The following SFXN1 variants were observed in gnomAD, a reference collection of about 807,000 sequenced individuals.
The protein encoded by SFXN1 is sideroflexin 1.
Under a neutral mutation model 39.5 loss-of-function variants are expected in SFXN1, and 32 were observed. The observed-to-expected ratio is 0.81, with a 90% CI of 0.61 to 1.09. The LOEUF (loss-of-function observed/expected upper bound fraction) is 1.09. SFXN1 is among the 50% of genes least tolerant of loss of function. The pLI is 0.00. For synonymous variants in SFXN1, 136 were observed against 146.5 expected (o/e 0.93, Z 0.52); for missense variants, 402 against 407.1 (o/e 0.99, Z 0.11).
At chr5:175,509,364 A>G (rs115242188) in intron 3 of SFXN1, 162 bp downstream of exon 3, 6,886 of 586,764 alleles carry the variant, frequency 0.012, 355 homozygotes, top group African/African-American at 0.12. Context: ...TGTACTTATG[A>G]ATCAAAACAT....
At chr5:175,502,048 A>G (rs749139169) in intron 2 of SFXN1, among the ~76,000 whole-genome samples, 5 of 152,210 alleles carry the variant, frequency 3.3e-5, no homozygotes, top group Non-Finnish European at 7.3e-5. Flanking sequence ...AGATGGACTC[A>G]TAGAGGGTTG....
chr5:175,507,722 A>G (rs1331666049), intron 2 of SFXN1, among the ~76,000 whole-genome samples: 1 of 152,218 alleles, frequency 6.6e-6, no homozygotes, highest in East Asian at 1.9e-4. Context: ...CCTGTAATCC[A>G]GCCCTTTGGA....
At chr5:175,512,078 A>G in intron 5 of SFXN1, 33 bp from the exon 6 acceptor site, 8 of 1,583,432 alleles carry the variant, frequency 5.1e-6, no homozygotes, top group Non-Finnish European at 6.9e-6. Context: ...CAGGAAAAAT[A>G]AGATAAAGCT....
intron 8 of SFXN1, among the ~76,000 whole-genome samples, chr5:175,518,878 A>G (rs1414739691): frequency 6.6e-6 from 1 of 152,354 alleles, no homozygotes; most frequent in Non-Finnish European, 1.5e-5. Context: ...AGTCCATAAA[A>G]GAAAAATTGA....
chr5:175,527,823 T>C lies in SFXN1; in HGVS notation c.*1089T>C, dbSNP rs1355443523. On this transcript the variant is annotated 3_prime_UTR_variant, in exon 11 of 11. Transcript: ENST00000321442. ...AATATATTTAATATGACAGATTATG[T>C]TTCAACTCTGTAGATGTTTAACGTC... The C allele has an allele frequency of 6.6e-6, 1 of 152,228 alleles. No homozygotes were observed. The highest frequency in any genetic ancestry group is 2.4e-5 in the African/African-American group (1 of 41,462). 9.4% of individuals were successfully genotyped at this position (152,228 alleles called of 1,614,324 possible).
intron 2 of SFXN1, among the ~76,000 whole-genome samples, chr5:175,497,307 T>C (rs1340673348): frequency 6.6e-6 from 1 of 152,200 alleles, no homozygotes; most frequent in Non-Finnish European, 1.5e-5. Context: ...TCAGGGGAGA[T>C]TAGTTCAAGG....
intron 7 of SFXN1, among the ~76,000 whole-genome samples, chr5:175,514,278 A>G (rs1016436960): frequency 6.6e-6 from 1 of 152,174 alleles, no homozygotes; most frequent in South Asian, 2.1e-4. Flanking sequence ...GAATGGTTAG[A>G]GCAGCTACTG....
At chr5:175,498,984 A>G (rs1165487404) in intron 2 of SFXN1, among the ~76,000 whole-genome samples, 2 of 152,142 alleles carry the variant, frequency 1.3e-5, no homozygotes, top group African/African-American at 4.8e-5. Context: ...GCCAGGCGCA[A>G]TGGCTCACGC....
chr5:175,485,601 A>G (rs527736870), intron 1 of SFXN1, among the ~76,000 whole-genome samples: 1 of 152,346 alleles, frequency 6.6e-6, no homozygotes, highest in Non-Finnish European at 1.5e-5. Context: ...TCCCTGCACC[A>G]TGTGAGGTAA....
intron 10 of SFXN1, among the ~76,000 whole-genome samples, chr5:175,525,090 CA>C (rs1761018552): frequency 6.6e-6 from 1 of 152,172 alleles, no homozygotes; most frequent in Non-Finnish European, 1.5e-5. Flanking sequence ...CAATTTCAAA[CA>C]AACTCTCCTG....
chr5:175,506,920 T>C (rs1302402576), intron 2 of SFXN1, among the ~76,000 whole-genome samples: 1 of 152,164 alleles, frequency 6.6e-6, no homozygotes, highest in Non-Finnish European at 1.5e-5. Flanking sequence ...CACCTTGGCC[T>C]CCCAAAGTGC....
intron 2 of SFXN1, chr5:175,492,484 A>C: frequency 2.4e-6 from 1 of 412,544 alleles, no homozygotes; most frequent in Non-Finnish European, 4.3e-6. Flanking sequence ...TAACCTGACA[A>C]TGGGAGTCAT....
chr5:175,512,386 C>T (rs913511702), intron 6 of SFXN1, among the ~76,000 whole-genome samples, 190 bp downstream of exon 6: 2 of 152,060 alleles, frequency 1.3e-5, no homozygotes, highest in Admixed American at 6.6e-5. Flanking sequence ...ACAAGCTTAG[C>T]GATGAGTTAC....
chr5:175,490,238 A>G (rs1283748116), intron 1 of SFXN1, among the ~76,000 whole-genome samples: 3 of 152,150 alleles, frequency 2.0e-5, no homozygotes, highest in African/African-American at 7.2e-5. Context: ...GAGATAAGAA[A>G]CAGTGGTCAC....
chr5:175,507,994 T>C lies in SFXN1; in HGVS notation c.165-1038T>C, dbSNP rs141539637. Reference sequence around the variant, plus strand: ...TCTTTAAAAAAAAAAAAAAAAAAATTCTTCCTGAACTAGCTTTTCATTCTA... The same window carrying C: ...TCTTTAAAAAAAAAAAAAAAAAAATCCTTCCTGAACTAGCTTTTCATTCTA... On this transcript the variant is annotated intron_variant, in intron 2 of 10. Coordinates refer to ENST00000321442, the MANE Select transcript of SFXN1 (RefSeq NM_022754.7). Among the ~76,000 whole-genome samples the C allele has an allele frequency of 5.0e-3, 704 of 139,702 alleles. 7 individuals carry two copies. The highest frequency in any genetic ancestry group is 0.02 in the African/African-American group (668 of 32,788). The allele number at this position is 139,702 out of a possible 152,430, so 91.6% of individuals were successfully genotyped here.
intron 6 of SFXN1, 103 bp from the exon 7 acceptor site, chr5:175,513,360 G>T (rs926392925): frequency 3.4e-5 from 37 of 1,080,494 alleles, no homozygotes; most frequent in Non-Finnish European, 4.7e-5. Context: ...ACTTGAGTGG[G>T]TATTTGAATT....
At chr5:175,505,537 C>CAATAATAATAAT (rs3049011) in intron 2 of SFXN1, among the ~76,000 whole-genome samples, 26,195 of 143,458 alleles carry the variant, frequency 0.18, 2,808 homozygotes, top group Non-Finnish European at 0.24. Flanking sequence ...AACTCCATCA[C>CAATAATAATAAT]AATAATAATA....
chr5:175,522,233 C>T (rs1359416190), intron 9 of SFXN1, 142 bp from the exon 10 acceptor site: 5 of 843,664 alleles, frequency 5.9e-6, no homozygotes, highest in Non-Finnish European at 8.8e-6. Flanking sequence ...ATAAAACTTA[C>T]ACAAACAGGA....
At chr5:175,513,400 T>C in intron 6 of SFXN1, 63 bp from the exon 7 acceptor site, 1 of 1,563,314 alleles carries the variant, frequency 6.4e-7, no homozygotes, top group South Asian at 1.1e-5. Context: ...CCCAACATAG[T>C]ACTATTTCAG....
Sources: allele counts gnomAD v4.1 joint callset (sites outside exome capture counted in the v4.1 genomes callset), GRCh38; gene constraint gnomAD v4.1.1; transcripts MANE v1.5; gene names NCBI Gene and HGNC (gene_info 2026-07-23, HGNC 2026-07-21).